Variants in GDF11 observed in about 807,000 individuals in gnomAD.
GDF11 encodes the protein growth/differentiation factor 11.
Under a neutral mutation model 34.4 loss-of-function variants are expected in GDF11, and 12 were observed. The observed-to-expected ratio is 0.35, with a 90% confidence interval of 0.22 to 0.57. The LOEUF (loss-of-function observed/expected upper bound fraction) is 0.57, where lower values mean the gene tolerates loss of function less well. Ranked by LOEUF, GDF11 falls within the 20% of genes least tolerant of loss-of-function variation. GDF11 has a pLI of 0.86. For synonymous variants in GDF11, 212 were observed against 231.1 expected (o/e 0.92, Z 0.75); for missense variants, 346 against 548.2 (o/e 0.63, Z 3.68).
rs1878315291 is a variant in GDF11 at position 55,751,342 on chromosome 12, A to G, written c.*1460A>G. 6.6e-6 allele frequency: 1 copy of G among 152,340 alleles called. No homozygotes were observed. The highest frequency in any genetic ancestry group is 2.1e-4 in the South Asian group (1 of 4,832). 9.4% of individuals were successfully genotyped at this position (152,340 alleles called of 1,614,324 possible). On this transcript the variant is annotated 3_prime_UTR_variant, in exon 3 of 3. Transcript: ENST00000257868. ...GGGCTTGGAAGGCTAGGAAGCAGGC[A>G]GAGACTGGTTGCCATTTCAAGTCAC...
At chr12:55,745,362 T>C (rs1296585043) in intron 1 of GDF11, among the ~76,000 whole-genome samples, 2 of 152,016 alleles carry the variant, frequency 1.3e-5, no homozygotes, top group African/African-American at 2.4e-5. Flanking sequence ...GAGTTAGCTC[T>C]GGTAATGGGG....
In GDF11 at chr12:55,749,649, A is replaced by G. The variant is rs1592545459; in HGVS notation, c.991A>G (p.Ile331Val). Residue 331 changes from isoleucine (I) to valine (V), a missense_variant, in exon 3 of 3, where the codon ATC becomes GTC. This residue lies in a region of GDF11 where 205 missense variants were observed against 311.3 expected (regional missense o/e 0.66). Coordinates refer to ENST00000257868, the MANE Select transcript of GDF11 (RefSeq NM_005811.5). This position sits in a 1 kb window ranked among gnomAD's most constrained non-coding sequence, Gnocchi z 5.6. ...DFEAFGWDWI[I>V]APKRYKANYC... ...TGAGGCTTTCGGCTGGGACTGGATC[A>G]TCGCACCTAAGCGCTACAAGGCCAA... 1.9e-6 allele frequency: 3 copies of G among 1,614,150 alleles called. No individual in the cohort carries two copies. The highest frequency in any genetic ancestry group is 2.5e-6 in the Non-Finnish European group (3 of 1,180,034).
At position 55,748,595 on chromosome 12, in the gene GDF11, C is replaced by G. The variant is rs1878233073; in HGVS notation, c.455C>G (p.Ala152Gly). 3 of 1,610,382 alleles carry G rather than the reference C, an allele frequency of 1.9e-6. No individual in the cohort carries two copies. The highest frequency in any genetic ancestry group is 1.7e-5 in the Admixed American group (1 of 59,834). ...CCTTCTCTCTTATCAGCGGACCCAG[C>G]AGTACAGACAGATGGCAGCCCTCTC... ...VISMAQETDP[A>G]VQTDGSPLCC... The change falls in exon 2 of 3, where the codon GCA becomes GGA. Residue 152 changes from alanine to glycine, a missense_variant. This residue lies in a region of GDF11 where 141 missense variants were observed against 213.8 expected (regional missense o/e 0.66). Transcript: ENST00000257868. The surrounding 1 kb of genome is among the most constrained non-coding windows in gnomAD (Gnocchi z 5.6).
rs116645348 is a variant in GDF11, at chr12:55,754,131, T to C, written c.*4249T>C. 2.4e-3 allele frequency: 372 copies of C among 152,306 alleles called. 2 individuals are homozygous for C. The highest frequency in any genetic ancestry group is 8.7e-3 in the African/African-American group (363 of 41,560). 9.4% of individuals were successfully genotyped at this position (152,306 alleles called of 1,614,324 possible). ...CCAACTACAAGACTAAGGCTGGAAG[T>C]GGTTGAGTAGCAGAAGTGTTATGTA... On this transcript the variant is annotated 3_prime_UTR_variant, in exon 3 of 3. Transcript: ENST00000257868.
Position 55,749,705 on chromosome 12 carries a change from C to G in GDF11, c.1047C>G (p.Phe349Leu). ...NYCSGQCEYM[F>L]MQKYPHTHLV... ...GCTCCGGCCAGTGCGAGTACATGTT[C>G]ATGCAAAAATATCCGCATACCCATT... The change falls in exon 3 of 3, where the codon TTC (phenylalanine) becomes TTG (leucine). Residue 349 changes from phenylalanine to leucine, a missense_variant. By Grantham distance (22) the Phe-to-Leu change is conservative. Transcript: ENST00000257868. This position sits in a 1 kb window ranked among gnomAD's most constrained non-coding sequence, Gnocchi z 5.6. 6.2e-7 allele frequency: 1 copy of G among 1,614,176 alleles called. No individual in the cohort carries two copies. The highest frequency in any genetic ancestry group is 8.5e-7 in the Non-Finnish European group (1 of 1,180,036).
rs1475112560 is a variant in GDF11 at position 55,748,995 on chromosome 12, G to T, written c.843+12G>T. 6.9e-6 allele frequency: 11 copies of T among 1,587,412 alleles called. No homozygotes were observed. The African/African-American group carries it at 1.5e-4, about 21-fold the overall frequency. ...GAGCCGAGGGGCTGGTGAGCAGGGG[G>T]CCTGAGGTGGTGGATATGTGTAACC... On this transcript the variant is annotated intron_variant, in intron 2 of 2. Coordinates refer to ENST00000257868, the MANE Select transcript of GDF11 (RefSeq NM_005811.5). This position sits in a 1 kb window ranked among gnomAD's most constrained non-coding sequence, Gnocchi z 5.6.
rs1224745191 is a variant in GDF11, at chr12:55,755,434, T to C, written c.*5552T>C. ...AAGCTAGTTCTCCCCACAGCTTTTATAGACTCCCTCATTAAGAGCTTCCAG... is the reference window on the plus strand; with the variant it reads ...AAGCTAGTTCTCCCCACAGCTTTTACAGACTCCCTCATTAAGAGCTTCCAG... On this transcript the variant is annotated 3_prime_UTR_variant, in exon 3 of 3. Transcript: ENST00000257868. The C allele has an allele frequency of 2.6e-5, 4 of 152,236 alleles. No homozygotes were observed. Among genetic ancestry groups the C allele is most frequent in the African/African-American group, 7.2e-5 (3 of 41,460 alleles). The allele number at this position is 152,236 out of a possible 1,614,324, so 9.4% of individuals were successfully genotyped here.
Position 55,743,484 on chromosome 12 carries a change from G to T in GDF11, c.168G>T (p.Ala56=), listed in dbSNP as rs1328874578. 1 of 1,519,796 alleles carries T rather than the reference G, an allele frequency of 6.6e-7. No homozygotes were observed. The highest frequency in any genetic ancestry group is 1.2e-5 in the South Asian group (1 of 82,726). The allele number at this position is 1,519,796 out of a possible 1,614,324, so 94.1% of individuals were successfully genotyped here. The change falls in exon 1 of 3, where the codon GCG becomes GCT. Residue 56 remains alanine, a synonymous_variant. Coordinates refer to ENST00000257868, the MANE Select transcript of GDF11 (RefSeq NM_005811.5). ...ERSSRPAPSV[A]PEPDGCPVCV... is the part of the protein sequence containing the mutation. ...CCAGCCGGCCAGCCCCGTCCGTGGC[G>T]CCCGAGCCGGACGGCTGCCCCGTGT...
At chr12:55,744,207 C>G (rs1387213111) in intron 1 of GDF11, among the ~76,000 whole-genome samples, 5 of 152,212 alleles carry the variant, frequency 3.3e-5, no homozygotes, top group Admixed American at 3.3e-4. Context: ...ACTCCGTGCT[C>G]CGTTCGCAAC....
intron 1 of GDF11, among the ~76,000 whole-genome samples, chr12:55,746,899 C>T (rs1878197141): frequency 6.6e-6 from 1 of 152,210 alleles, no homozygotes; most frequent in Non-Finnish European, 1.5e-5. Context: ...CCAGGAAGAA[C>T]TTTCAGGCAC....
Position 55,743,667 on chromosome 12 carries a change from C to T in GDF11, c.351C>T (p.His117=). 1 of 1,604,082 alleles carries T rather than the reference C, an allele frequency of 6.2e-7. No homozygotes were observed. The highest frequency in any genetic ancestry group is 8.5e-7 in the Non-Finnish European group (1 of 1,179,770). The change falls in exon 1 of 3, where the codon CAC becomes CAT. Residue 117 remains histidine, a synonymous_variant. Coordinates refer to ENST00000257868, the MANE Select transcript of GDF11 (RefSeq NM_005811.5). ...CGCTGCAGCAGATCCTGGACCTACACGACTTCCAGGGCGACGCGCTGCAGC... is the reference window on the plus strand; with the variant it reads ...CGCTGCAGCAGATCCTGGACCTACATGACTTCCAGGGCGACGCGCTGCAGC... The part of the protein sequence containing the change: ...APPLQQILDL[H]DFQGDALQPE...
chr12:55,748,668 G>T lies in GDF11; in HGVS notation c.528G>T (p.Leu176=). 6.2e-7 allele frequency: 1 copy of T among 1,614,246 alleles called. No individual in the cohort carries two copies. Among genetic ancestry groups the T allele is most frequent in the Non-Finnish European group, 8.5e-7 (1 of 1,180,046 alleles). ...FSPKVMFTKV[L]KAQLWVYLRP... ...CCAAGGTGATGTTCACAAAGGTACT[G>T]AAGGCCCAGCTGTGGGTGTACCTAC... is the stretch of plus-strand genomic sequence containing the variant. Residue 176 remains leucine, a synonymous_variant, in exon 2 of 3, where the codon CTG becomes CTT. Transcript: ENST00000257868. The surrounding 1 kb of genome is among the most constrained non-coding windows in gnomAD (Gnocchi z 5.6).
chr12:55,747,944 G>C (rs1319730351), intron 1 of GDF11, among the ~76,000 whole-genome samples: 1 of 152,232 alleles, frequency 6.6e-6, no homozygotes, highest in African/African-American at 2.4e-5. Context: ...CTTCTTAAGA[G>C]AGAATGGGGA....
At position 55,749,089 on chromosome 12, in the gene GDF11, A is replaced by T. The variant is rs1592545190; in HGVS notation, c.843+106A>T. On this transcript the variant is annotated intron_variant, in intron 2 of 2. Coordinates refer to ENST00000257868, the MANE Select transcript of GDF11 (RefSeq NM_005811.5). The surrounding 1 kb of genome is among the most constrained non-coding windows in gnomAD (Gnocchi z 5.6). Reference sequence around the variant, plus strand: ...AATGTGAAGGAGGTTGGGGACCAGCATTACTTCTCTGGGGTCAGCAGCTGA... The same window carrying T: ...AATGTGAAGGAGGTTGGGGACCAGCTTTACTTCTCTGGGGTCAGCAGCTGA... The T allele has an allele frequency of 8.5e-7, 1 of 1,176,132 alleles. No individual in the cohort carries two copies. The highest frequency in any genetic ancestry group is 2.6e-5 in the East Asian group (1 of 38,956). The allele number at this position is 1,176,132 out of a possible 1,614,324, so 72.9% of individuals were successfully genotyped here. A position where few individuals can be genotyped will look rare whatever the true frequency, so the allele number is the denominator to read the frequency against.
In GDF11 at chr12:55,753,322, G is replaced by C. The variant is rs1264682874; in HGVS notation, c.*3440G>C. 1 of 152,182 alleles carries C rather than the reference G, an allele frequency of 6.6e-6. No homozygotes were observed. The highest frequency in any genetic ancestry group is 2.1e-4 in the South Asian group (1 of 4,834). 9.4% of individuals were successfully genotyped at this position (152,182 alleles called of 1,614,324 possible). On this transcript the variant is annotated 3_prime_UTR_variant, in exon 3 of 3. Coordinates refer to ENST00000257868, the MANE Select transcript of GDF11 (RefSeq NM_005811.5). ...AAAAATCTAAACCAACATAGCCAAC[G>C]AACTTGCCTTGTTACACAAGAGTGG... is the stretch of plus-strand genomic sequence containing the variant.
chr12:55,743,663 T>C lies in GDF11; in HGVS notation c.347T>C (p.Leu116Pro). The C allele has an allele frequency of 6.2e-7, 1 of 1,604,204 alleles. No individual in the cohort carries two copies. Among genetic ancestry groups the C allele is most frequent in the Non-Finnish European group, 8.5e-7 (1 of 1,179,784 alleles). ...KAPPLQQILD[L>P]HDFQGDALQP... ...CCGCCGCTGCAGCAGATCCTGGACC[T>C]ACACGACTTCCAGGGCGACGCGCTG... Residue 116 changes from leucine to proline, a missense_variant, in exon 1 of 3, where the codon CTA (leucine) becomes CCA (proline). Physicochemically the swap from Leu to Pro is moderately conservative, Grantham distance 98 (BLOSUM62 -3). Transcript: ENST00000257868.
Position 55,748,841 on chromosome 12 carries a change from A to G in GDF11, c.701A>G (p.His234Arg), listed in dbSNP as rs776463049. The change falls in exon 2 of 3, where the codon CAT (histidine) becomes CGT (arginine). Residue 234 changes from histidine (H) to arginine (R), a missense_variant. This residue lies in a region of GDF11 where 205 missense variants were observed against 311.3 expected (regional missense o/e 0.66). Transcript: ENST00000257868. The surrounding 1 kb of genome is among the most constrained non-coding windows in gnomAD (Gnocchi z 5.6). ...ATTGAGCTGCACTCACGCTCAGGCC[A>G]TTGGCAGAGCATCGACTTCAAGCAA... ...LKIELHSRSGHWQSIDFKQVL... is the reference protein window; with the variant it reads ...LKIELHSRSGRWQSIDFKQVL... The G allele has an allele frequency of 1.2e-6, 2 of 1,613,954 alleles. No homozygotes were observed. Among genetic ancestry groups the G allele is most frequent in the Non-Finnish European group, 1.7e-6 (2 of 1,180,014 alleles).
rs1429963264 is a variant in GDF11, at chr12:55,754,104, G to A, written c.*4222G>A. 1 of 152,180 alleles carries A rather than the reference G, an allele frequency of 6.6e-6. No individual in the cohort carries two copies. 9.4% of individuals were successfully genotyped at this position (152,180 alleles called of 1,614,324 possible). ...CTATCAGCACACTGACCCCACTCGA[G>A]ACCAACTACAAGACTAAGGCTGGAA... On this transcript the variant is annotated 3_prime_UTR_variant, in exon 3 of 3. Coordinates refer to ENST00000257868, the MANE Select transcript of GDF11 (RefSeq NM_005811.5).
rs932320417 is a variant in GDF11, at chr12:55,757,090, G to A, written c.*7208G>A. ...TCTTCACAGAGGATAAAAAATGCTTGTGAGTATGACAGAAGGGAATAAACA... is the reference window on the plus strand; with the variant it reads ...TCTTCACAGAGGATAAAAAATGCTTATGAGTATGACAGAAGGGAATAAACA... On this transcript the variant is annotated 3_prime_UTR_variant, in exon 3 of 3. Coordinates refer to ENST00000257868, the MANE Select transcript of GDF11 (RefSeq NM_005811.5). 1 of 153,226 alleles carries A rather than the reference G, an allele frequency of 6.5e-6. No homozygotes were observed. Among genetic ancestry groups the A allele is most frequent in the Non-Finnish European group, 1.5e-5 (1 of 68,770 alleles). The allele number at this position is 153,226 out of a possible 1,614,324, so 9.5% of individuals were successfully genotyped here.
Sources: gnomAD v4.1 joint callset for allele counts (sites outside exome capture counted in the v4.1 genomes callset) on GRCh38, gnomAD v4.1.1 for gene constraint, gnomAD v4.1.1 regional missense constraint, Gnocchi (gnomAD v3.1) non-coding constraint, MANE v1.5 for transcripts, NCBI Gene and HGNC (gene_info 2026-07-23, HGNC 2026-07-21) for gene names.